The following SLC24A2 variants were observed in gnomAD, a reference collection of about 807,000 sequenced individuals.
SLC24A2 encodes the protein sodium/potassium/calcium exchanger 2.
SLC24A2 carries 36 observed loss-of-function variants against 62.0 expected under a neutral mutation model. The observed-to-expected ratio is 0.58, with a 90% CI of 0.44 to 0.77. SLC24A2 has a LOEUF of 0.77. Among genes scored for constraint, SLC24A2 ranks in the 30% least tolerant of loss-of-function variants. The pLI, the probability that SLC24A2 is intolerant of heterozygous loss-of-function variation, is 0.00. For synonymous variants in SLC24A2, 358 were observed against 294.0 expected (o/e 1.22, Z -2.23); for missense variants, 846 against 817.9 (o/e 1.03, Z -0.42).
intron 2 of SLC24A2, among the ~76,000 whole-genome samples, chr9:19,735,134 A>G (rs1030037933): frequency 3.9e-5 from 6 of 152,142 alleles, no homozygotes; most frequent in Non-Finnish European, 5.9e-5. Context: ...TGATATCCAG[A>G]ATCTACAAAG....
At chr9:20,201,589 A>T in the SLC24A2 span, among the ~76,000 whole-genome samples, 13 of 152,254 alleles carry the variant, frequency 8.5e-5, no homozygotes, top group Non-Finnish European at 1.9e-4. Context: ...GAATAGGTAT[A>T]GAAATGAAAG....
intron 5 of SLC24A2, among the ~76,000 whole-genome samples, chr9:19,586,210 T>C (rs1836366147): frequency 6.6e-6 from 1 of 152,192 alleles, no homozygotes; most frequent in Non-Finnish European, 1.5e-5. Context: ...GCACTTGTCA[T>C]AGAGCCTCAG....
At chr9:19,734,011 C>A (rs2118727264) in intron 2 of SLC24A2, among the ~76,000 whole-genome samples, 1 of 152,232 alleles carries the variant, frequency 6.6e-6, no homozygotes. Context: ...AGAGGCAAGT[C>A]TCTCTGAGGA....
the SLC24A2 span, among the ~76,000 whole-genome samples, chr9:20,130,477 G>A: frequency 1.3e-5 from 2 of 151,900 alleles, no homozygotes; most frequent in African/African-American, 4.8e-5. Context: ...AGTCTTCCAG[G>A]CAAAGGAAAC....
At chr9:19,757,222 T>C (rs1587276904) in intron 2 of SLC24A2, among the ~76,000 whole-genome samples, 1 of 152,158 alleles carries the variant, frequency 6.6e-6, no homozygotes, top group South Asian at 2.1e-4. Flanking sequence ...TTTGTCTCTG[T>C]ACCCCGAGAA....
the SLC24A2 span, among the ~76,000 whole-genome samples, chr9:19,816,096 C>T: frequency 1.3e-5 from 2 of 149,414 alleles, no homozygotes; most frequent in Non-Finnish European, 3.0e-5. Context: ...TTTAGTTTTT[C>T]ACGAGTGTGC....
At chr9:20,304,947 G>C in the SLC24A2 span, among the ~76,000 whole-genome samples, 1 of 151,774 alleles carries the variant, frequency 6.6e-6, no homozygotes, top group South Asian at 2.1e-4. Flanking sequence ...AGCCCACAAT[G>C]AGTCTTATGA....
chr9:20,235,443 CCCCAGCCTCG>C, the SLC24A2 span, among the ~76,000 whole-genome samples: 1,006 of 152,332 alleles, frequency 6.6e-3, 8 homozygotes, highest in East Asian at 0.028. Flanking sequence ...GGTGCCCCTC[CCCCAGCCTCG>C]CTGCCACCTT....
chr9:20,165,514 G>A, the SLC24A2 span, among the ~76,000 whole-genome samples: 1 of 151,856 alleles, frequency 6.6e-6, no homozygotes, highest in Non-Finnish European at 1.5e-5. Flanking sequence ...TATTTAGTAT[G>A]TAATAAAGTG....
intron 2 of SLC24A2, among the ~76,000 whole-genome samples, chr9:19,775,846 T>C (rs1044535899): frequency 1.3e-5 from 2 of 152,136 alleles, no homozygotes; most frequent in Non-Finnish European, 2.9e-5. Flanking sequence ...ATCAAACAGA[T>C]GCCCTTGTAG....
chr9:20,077,305 A>G, the SLC24A2 span, among the ~76,000 whole-genome samples: 1 of 152,176 alleles, frequency 6.6e-6, no homozygotes, highest in Admixed American at 6.6e-5. Context: ...CCAAAAAACA[A>G]AAAGTAACTA....
At chr9:20,241,635 G>A in the SLC24A2 span, among the ~76,000 whole-genome samples, 2 of 152,058 alleles carry the variant, frequency 1.3e-5, no homozygotes, top group Non-Finnish European at 2.9e-5. Flanking sequence ...TCCTCAAGAA[G>A]CTTACAGCCT....
chr9:19,962,061 C>A, the SLC24A2 span, among the ~76,000 whole-genome samples: 3 of 152,220 alleles, frequency 2.0e-5, no homozygotes, highest in African/African-American at 7.2e-5. Flanking sequence ...ACCCTTGAAT[C>A]TTGCTTCCCA....
the SLC24A2 span, among the ~76,000 whole-genome samples, chr9:20,034,662 G>T: frequency 6.6e-6 from 1 of 151,914 alleles, no homozygotes; most frequent in African/African-American, 2.4e-5. Context: ...TAGAGACGGG[G>T]TTTCACCGTG....
At chr9:20,093,033 A>G in the SLC24A2 span, among the ~76,000 whole-genome samples, 1 of 151,880 alleles carries the variant, frequency 6.6e-6, no homozygotes. Context: ...TTTATATAAT[A>G]TTTTGATTCT....
At chr9:20,120,000 C>T in the SLC24A2 span, among the ~76,000 whole-genome samples, 4 of 152,152 alleles carry the variant, frequency 2.6e-5, no homozygotes, top group African/African-American at 9.7e-5. Flanking sequence ...AGAGCATCGG[C>T]AGGGCTGTGT....
intron 2 of SLC24A2, among the ~76,000 whole-genome samples, chr9:19,734,158 C>T (rs1341121479): frequency 6.6e-6 from 1 of 152,148 alleles, no homozygotes; most frequent in Non-Finnish European, 1.5e-5. Flanking sequence ...TTCCCCATTG[C>T]TTGTTTTTGT....
chr9:20,020,281 T>C, the SLC24A2 span, among the ~76,000 whole-genome samples: 2 of 152,236 alleles, frequency 1.3e-5, no homozygotes, highest in Admixed American at 6.5e-5. Context: ...AATATGTTTA[T>C]TGCAGCACTG....
At chr9:19,904,807 G>A in the SLC24A2 span, among the ~76,000 whole-genome samples, 3 of 152,168 alleles carry the variant, frequency 2.0e-5, no homozygotes, top group Non-Finnish European at 2.9e-5. Flanking sequence ...AGTAGGAGAT[G>A]CAGCTTAAAG....
Sources: allele counts gnomAD v4.1 joint callset (sites outside exome capture counted in the v4.1 genomes callset), GRCh38; gene constraint gnomAD v4.1.1; transcripts MANE v1.5; gene names NCBI Gene and HGNC (gene_info 2026-07-23, HGNC 2026-07-21).